Variants in HIBADH observed in about 807,000 individuals in gnomAD.
The protein encoded by HIBADH is 3-hydroxyisobutyrate dehydrogenase, mitochondrial.
In HIBADH, 25 loss-of-function variants were observed where a neutral mutation model predicts 36.1. The observed-to-expected ratio is 0.69, with a 90% CI of 0.50 to 0.97. The LOEUF is 0.97. Among genes scored for constraint, HIBADH ranks in the 50% least tolerant of loss-of-function variants. The pLI is 0.00. For missense variants in HIBADH, 421 were observed against 418.0 expected (o/e 1.01, Z -0.06); for synonymous variants, 160 against 149.5 (o/e 1.07, Z -0.51).
At position 27,642,325 on chromosome 7, in the gene HIBADH, AT is replaced by A. The variant is rs200355718; in HGVS notation, c.252+7147del. 7.1e-3 allele frequency among the ~76,000 whole-genome samples: 1,082 copies of A among 152,118 alleles called. 4 individuals are homozygous for A. The highest frequency in any genetic ancestry group is 0.012 in the Admixed American group (177 of 15,276). On this transcript the variant is annotated intron_variant, in intron 2 of 7. Transcript: ENST00000265395. ...ATGAAATGATCCTTAAGAGTTGCTT[AT>A]TTTTTTCTTCCTCAAAAATTGCCTT...
chr7:27,618,424 T>A (rs998572107), intron 4 of HIBADH, among the ~76,000 whole-genome samples: 10 of 152,126 alleles, frequency 6.6e-5, no homozygotes, highest in Admixed American at 3.3e-4. Context: ...ACAACCAGTA[T>A]CGCAGCCACC....
chr7:27,635,295 T>C (rs1191513600), intron 2 of HIBADH, among the ~76,000 whole-genome samples: 3 of 152,200 alleles, frequency 2.0e-5, no homozygotes, highest in African/African-American at 7.2e-5. Flanking sequence ...GTTGCCAGTC[T>C]GACATCAACT....
At chr7:27,594,093 T>C (rs1365718091) in intron 4 of HIBADH, among the ~76,000 whole-genome samples, 3 of 150,342 alleles carry the variant, frequency 2.0e-5, no homozygotes, top group East Asian at 3.9e-4. Flanking sequence ...TAAAAAGACT[T>C]TGGAATAAGC....
intron 4 of HIBADH, among the ~76,000 whole-genome samples, chr7:27,609,278 CT>C (rs770162093): frequency 9.9e-5 from 15 of 152,140 alleles, no homozygotes; most frequent in Non-Finnish European, 1.9e-4. Context: ...GTGTTAAGAA[CT>C]TAACACCTTA....
At chr7:27,556,193 T>C (rs1458395254) in intron 4 of HIBADH, among the ~76,000 whole-genome samples, 1 of 152,214 alleles carries the variant, frequency 6.6e-6, no homozygotes, top group African/African-American at 2.4e-5. Flanking sequence ...CAATGCTTGA[T>C]ACACGATAGT....
At chr7:27,609,052 C>T (rs951558547) in intron 4 of HIBADH, among the ~76,000 whole-genome samples, 1 of 152,120 alleles carries the variant, frequency 6.6e-6, no homozygotes, top group Non-Finnish European at 1.5e-5. Context: ...GAATTGCAAA[C>T]TGCAAAAGTA....
chr7:27,538,991 C>T (rs142210202), intron 5 of HIBADH, among the ~76,000 whole-genome samples: 2 of 151,966 alleles, frequency 1.3e-5, no homozygotes, highest in African/African-American at 4.8e-5. Context: ...TGCTGGAGAT[C>T]AGTAAGAAAA....
intron 4 of HIBADH, among the ~76,000 whole-genome samples, chr7:27,598,134 T>G (rs966305046): frequency 5.3e-5 from 8 of 152,208 alleles, no homozygotes; most frequent in Non-Finnish European, 1.0e-4. Flanking sequence ...AACACAAGTG[T>G]AGATAAATTA....
intron 3 of HIBADH, among the ~76,000 whole-genome samples, chr7:27,630,064 A>G (rs908954202): frequency 1.3e-5 from 2 of 152,140 alleles, no homozygotes; most frequent in Admixed American, 1.3e-4. Flanking sequence ...TAGAAAGGAA[A>G]ATATATGAAA....
At chr7:27,624,017 C>T (rs536798626) in intron 4 of HIBADH, among the ~76,000 whole-genome samples, 163 of 152,232 alleles carry the variant, frequency 1.1e-3, no homozygotes, top group African/African-American at 3.7e-3. Flanking sequence ...AGGTTGGTGT[C>T]GAATGCCTGA....
intron 5 of HIBADH, among the ~76,000 whole-genome samples, chr7:27,542,438 GTTTTTTTTTTTTTTT>G (rs150575250): frequency 3.8e-4 from 26 of 68,158 alleles, no homozygotes; most frequent in African/African-American, 1.6e-3. Flanking sequence ...TTTTTTTCCC[GTTTTTTTTTTTTTTT>G]TTTTTTTTTT....
At position 27,649,504 on chromosome 7, in the gene HIBADH, G is replaced by T. The variant is rs1270127688; in HGVS notation, c.221C>A (p.Ala74Asp). ...PLIIYDVFPD[A>D]CKEFQDAGEQ... ...ACCTGCATCTTGAAACTCTTTGCAGGCATCAGGGAACACATCATAAATAAT... is the reference window on the plus strand; with the variant it reads ...ACCTGCATCTTGAAACTCTTTGCAGTCATCAGGGAACACATCATAAATAAT... Residue 74 changes from alanine to aspartate, a missense_variant, in exon 2 of 8, where the codon GCC becomes GAC. Transcript: ENST00000265395. The T allele has an allele frequency of 6.2e-7, 1 of 1,612,648 alleles. No individual in the cohort carries two copies. Among genetic ancestry groups the T allele is most frequent in the Non-Finnish European group, 8.5e-7 (1 of 1,179,338 alleles).
chr7:27,652,252 T>C (rs1409668742), intron 1 of HIBADH, among the ~76,000 whole-genome samples: 6 of 152,170 alleles, frequency 3.9e-5, no homozygotes, highest in African/African-American at 1.2e-4. Context: ...CATTGTATGA[T>C]ACTGCCCTCT....
intron 4 of HIBADH, among the ~76,000 whole-genome samples, chr7:27,585,265 A>G (rs200751516): frequency 2.1e-5 from 1 of 48,018 alleles, no homozygotes; most frequent in African/African-American, 1.3e-4. Flanking sequence ...ACACGTGTGT[A>G]TGTATGTGTA....
At chr7:27,603,208 T>C (rs565036331) in intron 4 of HIBADH, among the ~76,000 whole-genome samples, 2 of 152,184 alleles carry the variant, frequency 1.3e-5, no homozygotes, top group African/African-American at 4.8e-5. Flanking sequence ...ATATCTCTTC[T>C]TTTTTTTATA....
At chr7:27,588,829 A>C (rs968162313) in intron 4 of HIBADH, among the ~76,000 whole-genome samples, 6 of 152,186 alleles carry the variant, frequency 3.9e-5, no homozygotes, top group South Asian at 4.1e-4. Flanking sequence ...AGAAATGAAA[A>C]AGTAGAGTGC....
chr7:27,644,413 A>T (rs1373983371), intron 2 of HIBADH, among the ~76,000 whole-genome samples: 1 of 152,100 alleles, frequency 6.6e-6, no homozygotes, highest in Non-Finnish European at 1.5e-5. Context: ...CAGTCTAGCC[A>T]GTATGGTGAA....
chr7:27,622,612 T>C (rs190847111), intron 4 of HIBADH, among the ~76,000 whole-genome samples: 8 of 152,064 alleles, frequency 5.3e-5, no homozygotes, highest in Admixed American at 3.3e-4. Context: ...ACTGATACCA[T>C]AGAAATACAA....
At chr7:27,647,048 C>T (rs1375679492) in intron 2 of HIBADH, among the ~76,000 whole-genome samples, 1 of 152,146 alleles carries the variant, frequency 6.6e-6, no homozygotes, top group East Asian at 1.9e-4. Flanking sequence ...ATAAATTAGT[C>T]ACAGTAAGAA....
Sources: gnomAD v4.1 joint callset for allele counts (sites outside exome capture counted in the v4.1 genomes callset) on GRCh38, gnomAD v4.1.1 for gene constraint, MANE v1.5 for transcripts, NCBI Gene and HGNC (gene_info 2026-07-23, HGNC 2026-07-21) for gene names.